KCNK5: variants seen among roughly 807,000 people sequenced by gnomAD.
KCNK5 encodes potassium two pore domain channel subfamily K member 5, also known as potassium channel subfamily K member 5.
In KCNK5, 18 loss-of-function variants were observed where a neutral mutation model predicts 32.9. The ratio of observed to expected loss-of-function variants is 0.55; its 90% CI spans 0.38 to 0.81. The LOEUF (loss-of-function observed/expected upper bound fraction) is 0.81. Ranked by LOEUF, KCNK5 falls within the 30% of genes least tolerant of loss-of-function variation. KCNK5 has a pLI of 0.00. For missense variants in KCNK5, 507 were observed against 651.0 expected, an observed-to-expected ratio of 0.78 and a Z score of 2.41; for synonymous variants, 276 against 275.3, an observed-to-expected ratio of 1.00 and a Z score of -0.03.
rs746011992 is a variant in KCNK5, at chr6:39,190,540, G to A, written c.*350C>T. ...CTGAGGCCCCAGACCTCAGAGAACC[G>A]TGTGATACTCCACCAAATGGTGAGA... On this transcript the variant is annotated 3_prime_UTR_variant, in exon 5 of 5. Transcript: ENST00000359534. The A allele has an allele frequency of 6.1e-5, 12 of 195,592 alleles. No homozygotes were observed. Among genetic ancestry groups the A allele is most frequent in the East Asian group, 1.3e-4 (1 of 7,774 alleles). 12.1% of individuals were successfully genotyped at this position (195,592 alleles called of 1,614,324 possible). A position where few individuals can be genotyped will look rare whatever the true frequency, so the allele number is the denominator to read the frequency against.
intron 1 of KCNK5, among the ~76,000 whole-genome samples, chr6:39,212,312 C>T (rs1017752881): frequency 6.6e-6 from 1 of 152,098 alleles, no homozygotes; most frequent in Non-Finnish European, 1.5e-5. Flanking sequence ...AGTAAGCAGG[C>T]GTAATGATTA....
At chr6:39,211,205 G>T (rs181363615) in intron 1 of KCNK5, among the ~76,000 whole-genome samples, 1 of 152,156 alleles carries the variant, frequency 6.6e-6, no homozygotes, top group Admixed American at 6.5e-5. Flanking sequence ...CCCGCAGAGT[G>T]GGGAGGCTGG....
intron 1 of KCNK5, among the ~76,000 whole-genome samples, chr6:39,203,278 C>T (rs891883510): frequency 4.4e-4 from 67 of 152,376 alleles, no homozygotes; most frequent in African/African-American, 9.4e-4. Context: ...CCATCAGCTC[C>T]CTCAGGCCAC....
chr6:39,195,844 T>G, intron 2 of KCNK5, 32 bp downstream of exon 2: 1 of 1,534,008 alleles, frequency 6.5e-7, no homozygotes, highest in Non-Finnish European at 9.0e-7. Context: ...AGGGCATGGA[T>G]GTGGGTGTCC....
rs532914135 is a variant in KCNK5 at position 39,206,457 on chromosome 6, A to T, written c.187-10470T>A. Among the ~76,000 whole-genome samples the T allele has an allele frequency of 7.0e-3, 1,067 of 152,280 alleles. 12 individuals carry two copies. Among genetic ancestry groups the T allele is most frequent in the African/African-American group, 0.024 (1,010 of 41,550 alleles). On this transcript the variant is annotated intron_variant, in intron 1 of 4. Coordinates refer to ENST00000359534, the MANE Select transcript of KCNK5 (RefSeq NM_003740.4). ...CACCAGCCACTCAAGGTTTCTAAAA[A>T]CAGTCCTTGGAGCAGGCCAGAAAGG...
intron 1 of KCNK5, among the ~76,000 whole-genome samples, chr6:39,204,599 G>T (rs1771190466): frequency 6.6e-6 from 1 of 152,228 alleles, no homozygotes; most frequent in South Asian, 2.1e-4. Flanking sequence ...GATGCCAAGA[G>T]AAATAGTCTG....
intron 1 of KCNK5, among the ~76,000 whole-genome samples, chr6:39,208,130 G>A (rs1771261695): frequency 6.6e-6 from 1 of 152,140 alleles, no homozygotes; most frequent in Non-Finnish European, 1.5e-5. Context: ...ATCCTTGAGG[G>A]CTGAGGTTCT....
intron 4 of KCNK5, among the ~76,000 whole-genome samples, chr6:39,192,508 T>C (rs1562049732): frequency 6.6e-6 from 1 of 152,122 alleles, no homozygotes. Flanking sequence ...CCCAGCACCC[T>C]CCAAGCTGGG....
rs150768932 is a variant in KCNK5, at chr6:39,225,313, C to T, written c.186+3613G>A. On this transcript the variant is annotated intron_variant, in intron 1 of 4. Transcript: ENST00000359534. The stretch of plus-strand genomic sequence containing the variant: ...CTTAGATGTGAAAACTGACTCCGCT[C>T]TATGTGATCCCAGACAAGTTACACT... 6.4e-3 allele frequency among the ~76,000 whole-genome samples: 972 copies of T among 152,330 alleles called. 10 individuals carry two copies. The highest frequency in any genetic ancestry group is 0.022 in the African/African-American group (911 of 41,568).
intron 1 of KCNK5, among the ~76,000 whole-genome samples, chr6:39,208,321 T>C (rs2113789078): frequency 6.6e-6 from 1 of 152,282 alleles, no homozygotes; most frequent in African/African-American, 2.4e-5. Context: ...GCTCCCTGCC[T>C]GCTTAATACA....
At chr6:39,223,355 C>T (rs1284329761) in intron 1 of KCNK5, among the ~76,000 whole-genome samples, 1 of 152,214 alleles carries the variant, frequency 6.6e-6, no homozygotes, top group Non-Finnish European at 1.5e-5. Context: ...CTGAGGGCAG[C>T]ACATCCTCTC....
At chr6:39,208,947 G>A (rs1771278383) in intron 1 of KCNK5, among the ~76,000 whole-genome samples, 1 of 152,158 alleles carries the variant, frequency 6.6e-6, no homozygotes, top group Non-Finnish European at 1.5e-5. Flanking sequence ...AAAATTAGCT[G>A]GGCATGGTGG....
At chr6:39,202,656 C>T (rs1326550644) in intron 1 of KCNK5, among the ~76,000 whole-genome samples, 1 of 152,184 alleles carries the variant, frequency 6.6e-6, no homozygotes, top group African/African-American at 2.4e-5. Context: ...ACAGAAGAGT[C>T]AATAGAAATT....
chr6:39,197,257 G>A (rs1218572976), intron 1 of KCNK5, among the ~76,000 whole-genome samples: 1 of 152,144 alleles, frequency 6.6e-6, no homozygotes, highest in East Asian at 1.9e-4. Flanking sequence ...GGTTTGGTGG[G>A]AAAAAAAGGG....
intron 1 of KCNK5, among the ~76,000 whole-genome samples, chr6:39,217,567 A>T (rs1326170055): frequency 6.6e-6 from 1 of 152,128 alleles, no homozygotes; most frequent in Non-Finnish European, 1.5e-5. Context: ...ACCCCTGGTG[A>T]GCAGAGTAAC....
At chr6:39,211,306 C>T (rs141267903) in intron 1 of KCNK5, among the ~76,000 whole-genome samples, 2 of 152,276 alleles carry the variant, frequency 1.3e-5, no homozygotes, top group Non-Finnish European at 2.9e-5. Flanking sequence ...GCCTGGTCCA[C>T]CTCCAAGGGA....
chr6:39,194,727 C>T lies in KCNK5; in HGVS notation c.332G>A (p.Gly111Asp). ...ACCATAGAAAACACAGAAGAGGCGACCGGCGGGGGTCTTGGGAGCCACATT... is the reference window on the plus strand; with the variant it reads ...ACCATAGAAAACACAGAAGAGGCGATCGGCGGGGGTCTTGGGAGCCACATT... ...YGNVAPKTPA[G>D]RLFCVFYGLF... The change falls in exon 3 of 5, where the codon GGT (glycine) becomes GAT (aspartate). Residue 111 changes from glycine (G) to aspartate (D), a missense_variant. By Grantham distance (94) the Gly-to-Asp change is moderately conservative. Transcript: ENST00000359534. The surrounding 1 kb of genome is among the most constrained non-coding windows in gnomAD (Gnocchi z 4.7). 6.2e-7 allele frequency: 1 copy of T among 1,614,072 alleles called. No homozygotes were observed. The highest frequency in any genetic ancestry group is 8.5e-7 in the Non-Finnish European group (1 of 1,180,026).
intron 1 of KCNK5, among the ~76,000 whole-genome samples, chr6:39,200,898 C>T (rs1407997538): frequency 6.6e-6 from 1 of 152,192 alleles, no homozygotes; most frequent in Non-Finnish European, 1.5e-5. Flanking sequence ...TAGATTGGGG[C>T]TTTGGGACAT....
chr6:39,203,650 G>A (rs1015765811), intron 1 of KCNK5, among the ~76,000 whole-genome samples: 2 of 152,198 alleles, frequency 1.3e-5, no homozygotes, highest in African/African-American at 2.4e-5. Context: ...CCCACCCAGC[G>A]TGAACATGAA....
Sources: allele counts gnomAD v4.1 joint callset (sites outside exome capture counted in the v4.1 genomes callset), GRCh38; gene constraint gnomAD v4.1.1; non-coding constraint Gnocchi (gnomAD v3.1); transcripts MANE v1.5; gene names NCBI Gene and HGNC (gene_info 2026-07-23, HGNC 2026-07-21).